The following NIPAL2 variants were observed in gnomAD, a reference collection of about 807,000 sequenced individuals.
NIPAL2 encodes the protein NIPA like domain containing 2, also known as NIPA-like protein 2.
A neutral mutation model predicts 48.9 loss-of-function variants in NIPAL2; 43 were observed. That is an observed-to-expected ratio of 0.88 (90% CI 0.69 to 1.13). The LOEUF is 1.13. NIPAL2 is among the 50% of genes most tolerant of loss of function. The pLI is 0.00. For synonymous variants in NIPAL2, 167 were observed against 174.6 expected, an observed-to-expected ratio of 0.96 and a Z score of 0.34; for missense variants, 446 against 461.4, an observed-to-expected ratio of 0.97 and a Z score of 0.31.
chr8:98,280,849 G>A lies in NIPAL2; in HGVS notation c.135+13154C>T, dbSNP rs1050912454. On this transcript the variant is annotated intron_variant, in intron 1 of 10. Transcript: ENST00000430223. ...ACAATTGGTGAATCTCCAGGTGAGG[G>A]ACATATGGTATTTATTGTACTACTC... Among the ~76,000 whole-genome samples, 3 of 149,658 alleles carry A rather than the reference G, an allele frequency of 2.0e-5. No individual in the cohort carries two copies. In the South Asian group the frequency reaches 6.4e-4, roughly 32 times the overall value.
chr8:98,232,478 AG>A (rs1812484283), intron 4 of NIPAL2, among the ~76,000 whole-genome samples: 1 of 152,188 alleles, frequency 6.6e-6, no homozygotes, highest in African/African-American at 2.4e-5. Flanking sequence ...TGATGGTGGT[AG>A]TAGTAATAAT....
intron 1 of NIPAL2, among the ~76,000 whole-genome samples, chr8:98,277,452 G>A (rs751582074): frequency 1.1e-4 from 16 of 152,208 alleles, no homozygotes; most frequent in South Asian, 2.1e-4. Flanking sequence ...TGGGAGAATC[G>A]CTTGAACCTG....
At chr8:98,197,733 A>G (rs1810613733) in intron 8 of NIPAL2, among the ~76,000 whole-genome samples, 1 of 152,242 alleles carries the variant, frequency 6.6e-6, no homozygotes, top group Admixed American at 6.5e-5. Context: ...TTGCTCTTTT[A>G]TAAAAAGCAA....
intron 8 of NIPAL2, among the ~76,000 whole-genome samples, chr8:98,202,666 A>G (rs1810858289): frequency 6.6e-6 from 1 of 152,224 alleles, no homozygotes; most frequent in Non-Finnish European, 1.5e-5. Flanking sequence ...TGCTGGCACC[A>G]TGCTTCTGTA....
At chr8:98,228,855 T>A (rs1812304976) in intron 4 of NIPAL2, among the ~76,000 whole-genome samples, 1 of 152,220 alleles carries the variant, frequency 6.6e-6, no homozygotes, top group Non-Finnish European at 1.5e-5. Context: ...GCTGGTGTTT[T>A]CTCAATGCCT....
At chr8:98,240,810 G>A (rs1200074410) in intron 3 of NIPAL2, among the ~76,000 whole-genome samples, 1 of 152,220 alleles carries the variant, frequency 6.6e-6, no homozygotes. Flanking sequence ...AAGAACTGAA[G>A]TTCCACAATA....
intron 1 of NIPAL2, among the ~76,000 whole-genome samples, chr8:98,257,993 C>G (rs889897049): frequency 1.1e-4 from 17 of 152,196 alleles, no homozygotes; most frequent in Non-Finnish European, 2.1e-4. Flanking sequence ...GGCACATGTT[C>G]TCATAATCTC....
At chr8:98,268,503 C>T (rs1455739546) in intron 1 of NIPAL2, among the ~76,000 whole-genome samples, 7 of 151,870 alleles carry the variant, frequency 4.6e-5, no homozygotes, top group Non-Finnish European at 8.8e-5. Context: ...TGTCTTTAAT[C>T]CCAGCTACTT....
chr8:98,261,497 C>T (rs1814327291), intron 1 of NIPAL2, among the ~76,000 whole-genome samples: 2 of 144,786 alleles, frequency 1.4e-5, no homozygotes, highest in Non-Finnish European at 3.0e-5. Context: ...GCCTCAGGAG[C>T]CGATGCGATC....
chr8:98,212,591 C>G (rs1409407011), intron 5 of NIPAL2, 90 bp from the exon 6 acceptor site: 2 of 690,510 alleles, frequency 2.9e-6, no homozygotes, highest in Non-Finnish European at 5.0e-6. Flanking sequence ...CAGCAATTCT[C>G]ATATGAGCGT....
At chr8:98,239,970 T>A (rs1812903849) in intron 3 of NIPAL2, among the ~76,000 whole-genome samples, 1 of 152,202 alleles carries the variant, frequency 6.6e-6, no homozygotes, top group Non-Finnish European at 1.5e-5. Context: ...CACTTTCTAG[T>A]AGTTGCTATC....
At chr8:98,227,965 T>C (rs1279201390) in intron 4 of NIPAL2, among the ~76,000 whole-genome samples, 1 of 152,190 alleles carries the variant, frequency 6.6e-6, no homozygotes, top group Non-Finnish European at 1.5e-5. Context: ...TGGATAGAGC[T>C]GGTCTAAATG....
At chr8:98,193,364 T>G (rs1339558232) in intron 10 of NIPAL2, 2 of 1,613,800 alleles carry the variant, frequency 1.2e-6, no homozygotes, top group East Asian at 2.2e-5. Context: ...GTCTGGAGAT[T>G]CACATGAAGC....
At chr8:98,256,021 ATT>A (rs543809759) in intron 1 of NIPAL2, among the ~76,000 whole-genome samples, 1 of 146,780 alleles carries the variant, frequency 6.8e-6, no homozygotes, top group East Asian at 2.0e-4. Context: ...TTAAAAACTT[ATT>A]TTTTTTTTTT....
At chr8:98,260,587 G>A (rs909806230) in intron 1 of NIPAL2, among the ~76,000 whole-genome samples, 5 of 152,132 alleles carry the variant, frequency 3.3e-5, no homozygotes, top group Admixed American at 6.5e-5. Context: ...AAAAAACGGC[G>A]CACCACGAGA....
chr8:98,258,477 A>C (rs1993113), intron 1 of NIPAL2, among the ~76,000 whole-genome samples: 129,936 of 152,128 alleles, frequency 0.85, 55,689 homozygotes, highest in Non-Finnish European at 0.88. Context: ...TGCAGAATAG[A>C]TCCCTGGCCC....
At chr8:98,256,736 C>A (rs114327626) in intron 1 of NIPAL2, among the ~76,000 whole-genome samples, 32 of 152,176 alleles carry the variant, frequency 2.1e-4, no homozygotes, top group African/African-American at 5.8e-4. Context: ...TGGAAAATGG[C>A]GTGGAGATTC....
chr8:98,244,578 G>A (rs1813195876), intron 3 of NIPAL2, among the ~76,000 whole-genome samples: 1 of 65,218 alleles, frequency 1.5e-5, no homozygotes, highest in African/African-American at 6.4e-5. Context: ...GGTGCGCTGT[G>A]GTGATGAGAG....
chr8:98,246,005 C>T (rs929673924), intron 3 of NIPAL2, among the ~76,000 whole-genome samples: 10 of 152,296 alleles, frequency 6.6e-5, no homozygotes, highest in East Asian at 1.9e-4. Context: ...TTTAGAGTTC[C>T]GGTGACCTCA....
Sources: allele counts gnomAD v4.1 joint callset (sites outside exome capture counted in the v4.1 genomes callset), GRCh38; gene constraint gnomAD v4.1.1; transcripts MANE v1.5; gene names NCBI Gene and HGNC (gene_info 2026-07-23, HGNC 2026-07-21).